DHRS7B: variants seen among roughly 807,000 people sequenced by gnomAD.
The protein encoded by DHRS7B is peroxisomal reductase activating PPAR-gamma.
A neutral mutation model predicts 26.4 loss-of-function variants in DHRS7B; 24 were observed. The ratio of observed to expected loss-of-function variants is 0.91; its 90% CI spans 0.66 to 1.28. DHRS7B has a LOEUF of 1.28. Ranked by LOEUF, DHRS7B falls within the 50% of genes most tolerant of loss-of-function variation. The pLI, the probability that DHRS7B is intolerant of heterozygous loss-of-function variation, is 0.00. For missense variants in DHRS7B, 368 were observed against 419.4 expected, an observed-to-expected ratio of 0.88 and a Z score of 1.07; for synonymous variants, 142 against 166.4, an observed-to-expected ratio of 0.85 and a Z score of 1.13.
chr17:21,151,697 G>C (rs911072152), intron 1 of DHRS7B, among the ~76,000 whole-genome samples: 1 of 152,142 alleles, frequency 6.6e-6, no homozygotes, highest in Admixed American at 6.5e-5. Context: ...ACCTCTGTGG[G>C]AACCAGTCCT....
intron 1 of DHRS7B, among the ~76,000 whole-genome samples, chr17:21,133,446 T>C (rs1973281550): frequency 6.7e-6 from 1 of 149,308 alleles, no homozygotes; most frequent in African/African-American, 2.6e-5. Context: ...AGGTCACAGA[T>C]AGGTGAGAGA....
chr17:21,140,022 CT>C (rs201900387), intron 1 of DHRS7B, among the ~76,000 whole-genome samples: 1,727 of 106,548 alleles, frequency 0.016, 17 homozygotes, highest in African/African-American at 0.06. Flanking sequence ...CTTTCAGATT[CT>C]TTTTTTTTTT....
chr17:21,183,706 A>G lies in DHRS7B; in HGVS notation c.422A>G (p.Asn141Ser). ...TTTGGCTATGTCGACATACTTGTCA[A>G]CAATGCTGGGATCAGCTACCGTGGT... is the stretch of plus-strand genomic sequence containing the variant. ...QCFGYVDILV[N>S]NAGISYRGTI... The change falls in exon 4 of 7, where the codon AAC becomes AGC. Residue 141 changes from asparagine to serine, a missense_variant. Coordinates refer to ENST00000395511, the MANE Select transcript of DHRS7B (RefSeq NM_015510.5). The G allele has an allele frequency of 5.0e-6, 8 of 1,614,254 alleles. No individual in the cohort carries two copies. The highest frequency in any genetic ancestry group is 6.8e-6 in the Non-Finnish European group (8 of 1,180,046).
intron 5 of DHRS7B, among the ~76,000 whole-genome samples, chr17:21,187,276 C>T (rs1351999706): frequency 5.3e-5 from 8 of 151,522 alleles, no homozygotes; most frequent in South Asian, 2.1e-4. Flanking sequence ...AGCTATGATC[C>T]TATGATCATA....
At chr17:21,151,992 C>T (rs906521146) in intron 1 of DHRS7B, among the ~76,000 whole-genome samples, 5 of 152,124 alleles carry the variant, frequency 3.3e-5, no homozygotes, top group Non-Finnish European at 4.4e-5. Context: ...CTCTCGCTCC[C>T]ACTCTCAACT....
intron 1 of DHRS7B, among the ~76,000 whole-genome samples, chr17:21,170,800 C>T (rs1476405020): frequency 6.6e-6 from 1 of 152,106 alleles, no homozygotes; most frequent in African/African-American, 2.4e-5. Context: ...TGGGAGTCCA[C>T]AGTGTTCCTG....
chr17:21,126,985 C>T lies in DHRS7B; in HGVS notation c.14C>T (p.Ala5Val), dbSNP rs1275329280. 5 of 1,533,452 alleles carry T rather than the reference C, an allele frequency of 3.3e-6. No individual in the cohort carries two copies. The East Asian group carries it at 1.0e-4, about 32-fold the overall frequency. 95.0% of individuals were successfully genotyped at this position (1,533,452 alleles called of 1,614,324 possible). ...AGTTGATTGACTATGGTCTCTCCGGCTACCAGGTAGGGGCTGGGGAAGAAG... is the reference window on the plus strand; with the variant it reads ...AGTTGATTGACTATGGTCTCTCCGGTTACCAGGTAGGGGCTGGGGAAGAAG... MVSPATRKSLPKVKA... is the reference protein window; with the variant it reads MVSPVTRKSLPKVKA... Residue 5 changes from alanine (A) to valine (V), a missense_variant, in exon 1 of 7, where the codon GCT (alanine) becomes GTT (valine). Ala to Val is a moderately conservative substitution (Grantham distance 64, BLOSUM62 0). Transcript: ENST00000395511.
In DHRS7B at chr17:21,150,612, G is replaced by A. The variant is rs117176793; in HGVS notation, c.21-21406G>A. Among the ~76,000 whole-genome samples, 412 of 152,266 alleles carry A rather than the reference G, an allele frequency of 2.7e-3. 11 individuals are homozygous for A. The East Asian group carries it at 0.065, about 24-fold the overall frequency. ...AGCCTGGGCAAAAGAGCAAAACTCC[G>A]TTTTTTAAAAAAGCATTTATTCATG... On this transcript the variant is annotated intron_variant, in intron 1 of 6. Coordinates refer to ENST00000395511, the MANE Select transcript of DHRS7B (RefSeq NM_015510.5).
At chr17:21,188,265 TTCTC>T (rs1200576422) in intron 5 of DHRS7B, among the ~76,000 whole-genome samples, 2 of 152,084 alleles carry the variant, frequency 1.3e-5, no homozygotes, top group Non-Finnish European at 2.9e-5. Context: ...CTTTATCTTA[TTCTC>T]TCTCTCTGTG....
At chr17:21,133,833 A>G (rs566487679) in intron 1 of DHRS7B, among the ~76,000 whole-genome samples, 1 of 152,174 alleles carries the variant, frequency 6.6e-6, no homozygotes, top group Non-Finnish European at 1.5e-5. Context: ...CAAACAAAAG[A>G]ACAATCCTGG....
intron 6 of DHRS7B, 97 bp from the exon 7 acceptor site, chr17:21,190,851 A>C: frequency 8.0e-7 from 1 of 1,254,268 alleles, no homozygotes; most frequent in Non-Finnish European, 1.1e-6. Flanking sequence ...ATGGTGGGAA[A>C]GGCAGCAGGC....
chr17:21,183,811 G>A lies in DHRS7B; in HGVS notation c.526+1G>A. On this transcript the variant is annotated splice_donor_variant, in intron 4 of 6. Transcript: ENST00000395511. LOFTEE classifies it high-confidence loss of function. ...TTTGGCCCAGTTGCTCTAACGAAAG[G>A]TAACAGTCTTGAGAAAAGAGCAGTG... 6.2e-7 allele frequency: 1 copy of A among 1,613,458 alleles called. No homozygotes were observed. Among genetic ancestry groups the A allele is most frequent in the Non-Finnish European group, 8.5e-7 (1 of 1,179,358 alleles).
chr17:21,179,276 A>G (rs562914600), intron 3 of DHRS7B, among the ~76,000 whole-genome samples: 1 of 152,116 alleles, frequency 6.6e-6, no homozygotes, highest in Non-Finnish European at 1.5e-5. Context: ...TCATGTGCTT[A>G]TTGACCATTT....
At chr17:21,184,569 T>C (rs991073329) in intron 5 of DHRS7B, 106 bp downstream of exon 5, 1 of 1,163,204 alleles carries the variant, frequency 8.6e-7, no homozygotes, top group African/African-American at 1.6e-5. Flanking sequence ...AAATAAACTA[T>C]CCAGAATGCA....
At chr17:21,161,100 A>G (rs891758118) in intron 1 of DHRS7B, among the ~76,000 whole-genome samples, 1 of 152,246 alleles carries the variant, frequency 6.6e-6, no homozygotes, top group South Asian at 2.1e-4. Context: ...CAGTGAAACT[A>G]TTCTGTATGA....
intron 1 of DHRS7B, among the ~76,000 whole-genome samples, chr17:21,163,278 A>C (rs922267230): frequency 6.6e-6 from 1 of 152,108 alleles, no homozygotes; most frequent in Non-Finnish European, 1.5e-5. Context: ...GCTTTGGTAC[A>C]TTGTCAGGAC....
intron 1 of DHRS7B, among the ~76,000 whole-genome samples, chr17:21,142,112 T>C (rs1973529429): frequency 6.6e-6 from 1 of 152,066 alleles, no homozygotes; most frequent in Non-Finnish European, 1.5e-5. Context: ...CAGGCTAGTG[T>C]CTTAAAATCC....
At chr17:21,157,329 G>A (rs1318461871) in intron 1 of DHRS7B, among the ~76,000 whole-genome samples, 3 of 152,172 alleles carry the variant, frequency 2.0e-5, no homozygotes, top group African/African-American at 4.8e-5. Flanking sequence ...TTAGCAAATT[G>A]AATGCAATAA....
chr17:21,174,261 G>A (rs568855848), intron 2 of DHRS7B, among the ~76,000 whole-genome samples: 31 of 152,358 alleles, frequency 2.0e-4, no homozygotes, highest in African/African-American at 7.2e-4. Flanking sequence ...CGAGTCTTCA[G>A]TTTTCCGTGT....
Sources: allele counts gnomAD v4.1 joint callset (sites outside exome capture counted in the v4.1 genomes callset), GRCh38; gene constraint gnomAD v4.1.1; transcripts MANE v1.5; gene names NCBI Gene and HGNC (gene_info 2026-07-23, HGNC 2026-07-21).